RGS17: variants seen among roughly 807,000 people sequenced by gnomAD.
RGS17 encodes regulator of G protein signaling 17, also known as regulator of G-protein signaling 17.
A neutral mutation model predicts 25.5 loss-of-function variants in RGS17; 12 were observed. The observed-to-expected ratio is 0.47, with a 90% confidence interval of 0.30 to 0.76. The LOEUF is 0.76. Among genes scored for constraint, RGS17 ranks in the 30% least tolerant of loss-of-function variants. The pLI, the probability that RGS17 is intolerant of heterozygous loss-of-function variation, is 0.07. For missense variants in RGS17, 196 were observed against 242.2 expected (o/e 0.81, Z 1.27); for synonymous variants, 71 against 76.9 (o/e 0.92, Z 0.40).
chr6:153,115,354 C>T lies in RGS17; in HGVS notation c.-26+15770G>A, dbSNP rs566637441. Reference sequence around the variant, plus strand: ...CAATTGCTACAAGGAGAATAAAATACCTAGGAATACAACTTACAAGGGATG... The same window carrying T: ...CAATTGCTACAAGGAGAATAAAATATCTAGGAATACAACTTACAAGGGATG... On this transcript the variant is annotated intron_variant, in intron 1 of 4. Transcript: ENST00000206262. Among the ~76,000 whole-genome samples, 345 of 152,158 alleles carry T rather than the reference C, an allele frequency of 2.3e-3. 3 individuals are homozygous for T. Among genetic ancestry groups the T allele is most frequent in the African/African-American group, 8.0e-3 (332 of 41,506 alleles).
intron 1 of RGS17, among the ~76,000 whole-genome samples, chr6:153,072,401 C>A (rs189403455): frequency 8.3e-4 from 126 of 152,216 alleles, no homozygotes; most frequent in African/African-American, 2.8e-3. Flanking sequence ...ATGGGATGCA[C>A]GTAGCTCTTC....
At chr6:153,107,255 C>T (rs907788260) in intron 1 of RGS17, among the ~76,000 whole-genome samples, 1 of 151,994 alleles carries the variant, frequency 6.6e-6, no homozygotes, top group South Asian at 2.1e-4. Context: ...ATCGCTTGAA[C>T]CCGGGAGGTG....
chr6:153,026,555 CAG>C lies in RGS17; in HGVS notation c.120-14_120-13del, dbSNP rs765863505. On this transcript the variant is annotated splice_polypyrimidine_tract_variant and intron_variant, in intron 2 of 4. Coordinates refer to ENST00000206262, the MANE Select transcript of RGS17 (RefSeq NM_012419.5). ...TCCTCACAGTGAGGCTGTAATGTAA[CAG>C]AACATTTAATTTTGTCAAGGGAAAT... The C allele has an allele frequency of 3.1e-6, 5 of 1,597,502 alleles. No homozygotes were observed. The African/African-American group carries it at 6.7e-5, about 21-fold the overall frequency.
rs1261343922 is a variant in RGS17 at position 153,054,063 on chromosome 6, TATAC to T, written c.-25-10024_-25-10021del. 4.3e-4 allele frequency among the ~76,000 whole-genome samples: 23 copies of T among 52,918 alleles called. 2 individuals are homozygous for T. The highest frequency in any genetic ancestry group is 1.8e-3 in the African/African-American group (22 of 12,146). 34.7% of individuals were successfully genotyped at this position (52,918 alleles called of 152,430 possible). On this transcript the variant is annotated intron_variant, in intron 1 of 4. Transcript: ENST00000206262. ...TATATGTATATATGTATATAATATATATACATATATATATACACACAATATTTTT... is the reference window on the plus strand; with the variant it reads ...TATATGTATATATGTATATAATATATATATATATATACACACAATATTTTT...
chr6:153,128,484 G>T (rs556457524), intron 1 of RGS17, among the ~76,000 whole-genome samples: 1 of 152,128 alleles, frequency 6.6e-6, no homozygotes, highest in African/African-American at 2.4e-5. Flanking sequence ...TTAGCAAACG[G>T]ACTTCTGACA....
rs763998005 is a variant in RGS17 at position 153,011,624 on chromosome 6, T to C, written c.583A>G (p.Ile195Val). 15 of 1,611,832 alleles carry C rather than the reference T, an allele frequency of 9.3e-6. No individual in the cohort carries two copies. Among genetic ancestry groups the C allele is most frequent in the Non-Finnish European group, 1.3e-5 (15 of 1,178,794 alleles). The change falls in exon 5 of 5, where the codon ATT becomes GTT. Residue 195 changes from isoleucine to valine, a missense_variant. By Grantham distance (29) the Ile-to-Val change is conservative (BLOSUM62 3). Around this residue, in one of 2 missense-constraint regions of RGS17, gnomAD observed 179 missense variants for 197.6 expected, o/e 0.91. Coordinates refer to ENST00000206262, the MANE Select transcript of RGS17 (RefSeq NM_012419.5). ...GTACTTTCAACAAATGACTTATAAA[T>C]TTGAGAGTTCAAAAACCTTGGAAAA... ...DSFPRFLNSQ[I>V]YKSFVESTAG...
rs1779131276 is a variant in RGS17 at position 153,011,393 on chromosome 6, TTCTCCAAAC to T, written c.*172_*180del. On this transcript the variant is annotated 3_prime_UTR_variant, in exon 5 of 5. Coordinates refer to ENST00000206262, the MANE Select transcript of RGS17 (RefSeq NM_012419.5). ...GCAATTCATTGTTTTGTGTGGTATT[TTCTCCAAAC>T]TTAACCATGGAAAACCTTGATAAAA... 1.8e-6 allele frequency: 1 copy of T among 570,620 alleles called. No homozygotes were observed. The highest frequency in any genetic ancestry group is 3.4e-5 in the Admixed American group (1 of 29,258). 35.3% of individuals were successfully genotyped at this position (570,620 alleles called of 1,614,324 possible). A position where few individuals can be genotyped will look rare whatever the true frequency, so the allele number is the denominator to read the frequency against.
chr6:153,114,867 T>C (rs1312994900), intron 1 of RGS17, among the ~76,000 whole-genome samples: 1 of 152,084 alleles, frequency 6.6e-6, no homozygotes, highest in Non-Finnish European at 1.5e-5. Flanking sequence ...AGGCCTTCAA[T>C]AAAATTCAAC....
chr6:153,098,018 C>T (rs1197314253), intron 1 of RGS17, among the ~76,000 whole-genome samples: 2 of 151,950 alleles, frequency 1.3e-5, no homozygotes, highest in Non-Finnish European at 2.9e-5. Flanking sequence ...GTGGTAGAAA[C>T]GGGTGAAAAA....
chr6:153,048,823 C>A (rs913333550), intron 1 of RGS17, among the ~76,000 whole-genome samples: 6 of 152,238 alleles, frequency 3.9e-5, no homozygotes, highest in African/African-American at 1.4e-4. Context: ...AACTTGTCTC[C>A]ATATAATGTA....
At chr6:153,034,211 T>G (rs1356232446) in intron 2 of RGS17, among the ~76,000 whole-genome samples, 2 of 152,148 alleles carry the variant, frequency 1.3e-5, no homozygotes, top group Non-Finnish European at 2.9e-5. Context: ...GGGGCTTCCT[T>G]GAGAACAGAC....
chr6:153,091,812 C>T (rs575950381), intron 1 of RGS17, among the ~76,000 whole-genome samples: 15 of 152,086 alleles, frequency 9.9e-5, no homozygotes, highest in Non-Finnish European at 2.1e-4. Context: ...CATGCCCAGC[C>T]GGCATACTTC....
chr6:153,102,186 G>C (rs1777314145), intron 1 of RGS17, among the ~76,000 whole-genome samples: 1 of 152,194 alleles, frequency 6.6e-6, no homozygotes, highest in African/African-American at 2.4e-5. Flanking sequence ...GAGAGAGTCT[G>C]ATGGGACACC....
intron 4 of RGS17, among the ~76,000 whole-genome samples, chr6:153,017,072 A>C (rs758424681): frequency 6.6e-6 from 1 of 152,184 alleles, no homozygotes; most frequent in African/African-American, 2.4e-5. Context: ...TCAGGCCACA[A>C]AGACCCATAC....
At position 153,024,211 on chromosome 6, in the gene RGS17, C is replaced by T. The variant is rs192030764; in HGVS notation, c.444+51G>A. 85 of 1,255,678 alleles carry T rather than the reference C, an allele frequency of 6.8e-5. 1 individual carries two copies. Among genetic ancestry groups the T allele is most frequent in the African/African-American group, 2.5e-4 (17 of 67,846 alleles). The allele number at this position is 1,255,678 out of a possible 1,614,324, so 77.8% of individuals were successfully genotyped here. On this transcript the variant is annotated intron_variant, in intron 4 of 4. Transcript: ENST00000206262. ...CCCAATGTGGACAGCCATCCCTTGACGGTTATCCTTGGTCTTAGGAAGCCC... is the reference window on the plus strand; with the variant it reads ...CCCAATGTGGACAGCCATCCCTTGATGGTTATCCTTGGTCTTAGGAAGCCC...
chr6:153,106,770 G>A (rs1042809671), intron 1 of RGS17, among the ~76,000 whole-genome samples: 2 of 151,956 alleles, frequency 1.3e-5, no homozygotes, highest in African/African-American at 4.8e-5. Flanking sequence ...AGCCTCCTGA[G>A]TAGCTGAGAA....
chr6:153,112,121 T>G (rs1777479938), intron 1 of RGS17, among the ~76,000 whole-genome samples: 1 of 152,124 alleles, frequency 6.6e-6, no homozygotes, highest in Non-Finnish European at 1.5e-5. Context: ...AGAAGGTGTG[T>G]AATAACAAAC....
chr6:153,021,378 C>CT (rs1779246592), intron 4 of RGS17, among the ~76,000 whole-genome samples: 1 of 152,130 alleles, frequency 6.6e-6, no homozygotes. Context: ...AAATGGATGA[C>CT]TTTTTGCACA....
chr6:153,051,818 C>T (rs972948918), intron 1 of RGS17, among the ~76,000 whole-genome samples: 4 of 152,168 alleles, frequency 2.6e-5, no homozygotes, highest in Admixed American at 6.5e-5. Flanking sequence ...TAAAAGAGAA[C>T]ACTAAGAGTA....
Sources: allele counts gnomAD v4.1 joint callset (sites outside exome capture counted in the v4.1 genomes callset), GRCh38; gene constraint gnomAD v4.1.1; regional missense constraint gnomAD v4.1.1; transcripts MANE v1.5; gene names NCBI Gene and HGNC (gene_info 2026-07-23, HGNC 2026-07-21).